Variants in EXOC2 observed in about 807,000 individuals in gnomAD.
EXOC2 encodes SEC5-like 1.
EXOC2 carries 70 observed loss-of-function variants against 131.8 expected under a neutral mutation model. The ratio of observed to expected loss-of-function variants is 0.53; its 90% CI spans 0.44 to 0.65. The LOEUF (loss-of-function observed/expected upper bound fraction) is 0.65, where lower values mean the gene tolerates loss of function less well. EXOC2 is among the 30% of genes least tolerant of loss of function. The probability of loss-of-function intolerance (pLI) is 0.00; values close to 1 mark genes in which losing one functional copy is unlikely to be tolerated. For synonymous variants in EXOC2, 411 were observed against 398.4 expected, an observed-to-expected ratio of 1.03 and a Z score of -0.38; for missense variants, 923 against 1,108.6, an observed-to-expected ratio of 0.83 and a Z score of 2.38.
intron 9 of EXOC2, among the ~76,000 whole-genome samples, chr6:598,457 A>G (rs1019443959): frequency 2.0e-5 from 3 of 152,242 alleles, no homozygotes; most frequent in Non-Finnish European, 4.4e-5. Flanking sequence ...TAACTCTGGC[A>G]TTAGACATAA....
At chr6:654,894 C>CTTCTTA (rs1265066998) in intron 1 of EXOC2, among the ~76,000 whole-genome samples, 1 of 141,036 alleles carries the variant, frequency 7.1e-6, no homozygotes, top group Admixed American at 7.4e-5. Flanking sequence ...TGAAGAGTTG[C>CTTCTTA]TTCTTATACA....
intron 13 of EXOC2, among the ~76,000 whole-genome samples, chr6:569,422 T>C (rs1758148501): frequency 6.6e-6 from 1 of 152,236 alleles, no homozygotes; most frequent in Non-Finnish European, 1.5e-5. Context: ...GGAAACTTCA[T>C]CTAAATTTTT....
chr6:569,450 T>A (rs925641654), intron 13 of EXOC2, among the ~76,000 whole-genome samples: 1 of 152,244 alleles, frequency 6.6e-6, no homozygotes, highest in African/African-American at 2.4e-5. Flanking sequence ...GGGCTCTTAA[T>A]ACAACAAGAT....
At chr6:545,733 C>T (rs568304645) in intron 22 of EXOC2, among the ~76,000 whole-genome samples, 13 of 152,238 alleles carry the variant, frequency 8.5e-5, no homozygotes, top group South Asian at 4.1e-4. Context: ...AGGATTCTAT[C>T]GTGAGGAAGT....
chr6:570,136 CTTT>C (rs11423850), intron 13 of EXOC2, among the ~76,000 whole-genome samples: 5 of 139,946 alleles, frequency 3.6e-5, no homozygotes, highest in Non-Finnish European at 4.6e-5. Context: ...AATTCTTTCT[CTTT>C]TTTTTTTTTT....
chr6:634,216 C>G (rs904988953), intron 2 of EXOC2, among the ~76,000 whole-genome samples: 1 of 152,058 alleles, frequency 6.6e-6, no homozygotes, highest in Non-Finnish European at 1.5e-5. Context: ...CCGGTGAGCA[C>G]CACCACGCTC....
intron 23 of EXOC2, among the ~76,000 whole-genome samples, chr6:526,104 C>T (rs1403045434): frequency 6.6e-6 from 1 of 152,170 alleles, no homozygotes; most frequent in Non-Finnish European, 1.5e-5. Flanking sequence ...CACAAAATTT[C>T]TAAGTAAATT....
At chr6:656,593 G>A in intron 1 of EXOC2, 1 of 1,595,080 alleles carries the variant, frequency 6.3e-7, no homozygotes, top group Non-Finnish European at 8.5e-7. Context: ...GACGAGACCA[G>A]CTCCACCGCC....
intron 11 of EXOC2, among the ~76,000 whole-genome samples, chr6:579,692 TTA>T (rs1758778024): frequency 6.6e-6 from 1 of 152,182 alleles, no homozygotes; most frequent in Non-Finnish European, 1.5e-5. Context: ...ATTAGAAAGC[TTA>T]TGTTTTGAAG....
At chr6:622,544 A>G (rs1425289706) in intron 4 of EXOC2, among the ~76,000 whole-genome samples, 10 of 152,196 alleles carry the variant, frequency 6.6e-5, no homozygotes, top group Admixed American at 6.5e-4. Flanking sequence ...CTGTGACACA[A>G]TGGTAGCAAG....
chr6:656,079 T>TAA (rs573327985), intron 1 of EXOC2: 15 of 1,391,322 alleles, frequency 1.1e-5, no homozygotes, highest in African/African-American at 1.4e-5. Flanking sequence ...ATCAAAACCT[T>TAA]AAAAAAAAAA....
At position 610,129 on chromosome 6, in the gene EXOC2, G is replaced by A. The variant is rs1581548965; in HGVS notation, c.711C>T (p.Ser237=). The A allele has an allele frequency of 6.2e-7, 1 of 1,613,996 alleles. No homozygotes were observed. The highest frequency in any genetic ancestry group is 1.3e-5 in the African/African-American group (1 of 75,004). ...GAACATTCTCCAGTTTCTGCGTCAT[G>A]GATCCTTCTACTTTTTCCGTTCCAT... is the stretch of plus-strand genomic sequence containing the variant. ...EADGTEKVEG[S]MTQKLENVLN... The change falls in exon 7 of 28, where the codon TCC becomes TCT. Residue 237 remains serine (S), a synonymous_variant. Coordinates refer to ENST00000230449, the MANE Select transcript of EXOC2 (RefSeq NM_018303.6).
intron 1 of EXOC2, among the ~76,000 whole-genome samples, chr6:674,959 A>G (rs1764041712): frequency 6.6e-6 from 1 of 152,012 alleles, no homozygotes; most frequent in Non-Finnish European, 1.5e-5. Context: ...AGCCCTCCAA[A>G]AAATTATTCA....
intron 1 of EXOC2, among the ~76,000 whole-genome samples, 177 bp from the exon 2 acceptor site, chr6:638,038 AG>A (rs1762181943): frequency 6.6e-6 from 1 of 152,204 alleles, no homozygotes; most frequent in African/African-American, 2.4e-5. Flanking sequence ...TAAGTTACTA[AG>A]GACACTCTGG....
chr6:594,395 T>C (rs1759702263), intron 10 of EXOC2, among the ~76,000 whole-genome samples: 2 of 152,226 alleles, frequency 1.3e-5, no homozygotes, highest in African/African-American at 4.8e-5. Context: ...TCTCCCTAAA[T>C]AGGCTTGTTT....
Position 553,838 on chromosome 6 carries a change from T to G in EXOC2, c.2121+16A>C, listed in dbSNP as rs1338052301. The stretch of plus-strand genomic sequence containing the variant: ...AGTTTTAAAATGGTTTACTTTCTAG[T>G]TATCGTCTGACTTACTGAGGTCAAG... On this transcript the variant is annotated intron_variant, in intron 21 of 27. Transcript: ENST00000230449. 1.9e-6 allele frequency: 3 copies of G among 1,607,006 alleles called. No individual in the cohort carries two copies. Among genetic ancestry groups the G allele is most frequent in the Admixed American group, 1.7e-5 (1 of 59,894 alleles).
intron 23 of EXOC2, among the ~76,000 whole-genome samples, chr6:512,455 G>C (rs181082923): frequency 6.6e-6 from 1 of 152,172 alleles, no homozygotes. Context: ...CTTTTCTCTA[G>C]CTTACTTTAA....
chr6:670,743 A>G (rs539853564), intron 1 of EXOC2, among the ~76,000 whole-genome samples: 5 of 152,338 alleles, frequency 3.3e-5, no homozygotes, highest in Admixed American at 1.3e-4. Flanking sequence ...ATCACATAAG[A>G]AAATGTTCTG....
At position 486,324 on chromosome 6, in the gene EXOC2, A is replaced by T. The variant is rs1187790921; in HGVS notation, c.*347T>A. 2 of 208,304 alleles carry T rather than the reference A, an allele frequency of 9.6e-6. No individual in the cohort carries two copies. The highest frequency in any genetic ancestry group is 1.9e-5 in the Non-Finnish European group (2 of 104,092). 12.9% of individuals were successfully genotyped at this position (208,304 alleles called of 1,614,324 possible). On this transcript the variant is annotated 3_prime_UTR_variant, in exon 28 of 28. Transcript: ENST00000230449. ...CTGCCTGCGCTTCCGTGAACGGGAC[A>T]CTGAGAAATGCTTCAATATGTGCCA...
Sources: allele counts gnomAD v4.1 joint callset (sites outside exome capture counted in the v4.1 genomes callset), GRCh38; gene constraint gnomAD v4.1.1; transcripts MANE v1.5; gene names NCBI Gene and HGNC (gene_info 2026-07-23, HGNC 2026-07-21).